ANXA4: variants seen among roughly 807,000 people sequenced by gnomAD.
ANXA4 encodes annexin A4.
ANXA4 carries 39 observed loss-of-function variants against 49.8 expected under a neutral mutation model. The ratio of observed to expected loss-of-function variants is 0.78; its 90% CI spans 0.61 to 1.02. ANXA4 has a LOEUF of 1.02. Ranked by LOEUF, ANXA4 falls within the 50% of genes least tolerant of loss-of-function variation. The pLI, the probability that ANXA4 is intolerant of heterozygous loss-of-function variation, is 0.00. For synonymous variants in ANXA4, 134 were observed against 152.5 expected, an observed-to-expected ratio of 0.88 and a Z score of 0.89; for missense variants, 360 against 410.1, an observed-to-expected ratio of 0.88 and a Z score of 1.05.
intron 3 of ANXA4, among the ~76,000 whole-genome samples, chr2:69,795,370 T>C (rs1442882027): frequency 1.3e-5 from 2 of 152,198 alleles, no homozygotes; most frequent in Non-Finnish European, 2.9e-5. Flanking sequence ...TCTAGGACTA[T>C]AAACCATTTA....
At chr2:69,665,030 G>T (rs1676882163) in intron 2 of ANXA4, among the ~76,000 whole-genome samples, 1 of 152,178 alleles carries the variant, frequency 6.6e-6, no homozygotes, top group South Asian at 2.1e-4. Flanking sequence ...TTGACCCTGG[G>T]AGGTGGAGGT....
At chr2:69,807,310 A>G (rs1186339049) in intron 5 of ANXA4, among the ~76,000 whole-genome samples, 1 of 152,132 alleles carries the variant, frequency 6.6e-6, no homozygotes, top group Admixed American at 6.5e-5. Context: ...CAGGTCTACT[A>G]TAGGCTTACT....
At chr2:69,720,472 G>A (rs1198842214) in intron 2 of ANXA4, among the ~76,000 whole-genome samples, 1 of 152,180 alleles carries the variant, frequency 6.6e-6, no homozygotes, top group African/African-American at 2.4e-5. Context: ...AGGCAGTGAG[G>A]GGAAGAAGTG....
intron 1 of ANXA4, among the ~76,000 whole-genome samples, chr2:69,647,315 C>T (rs1366708935): frequency 1.3e-5 from 2 of 152,044 alleles, no homozygotes; most frequent in Non-Finnish European, 2.9e-5. Flanking sequence ...CTTCAGTTAA[C>T]ACTATGTATC....
intron 2 of ANXA4, among the ~76,000 whole-genome samples, chr2:69,718,533 C>T (rs900812679): frequency 6.6e-6 from 1 of 152,218 alleles, no homozygotes; most frequent in Non-Finnish European, 1.5e-5. Context: ...CAGGTTCAGA[C>T]TTGTGGAATT....
intron 2 of ANXA4, among the ~76,000 whole-genome samples, chr2:69,694,514 CCCT>C (rs1678091806): frequency 9.9e-6 from 1 of 101,208 alleles, no homozygotes; most frequent in Admixed American, 1.0e-4. Context: ...TATCCCTCCC[CCCT>C]CCCCCCTCCC....
chr2:69,792,580 GCAGTGTTTTTTTTTGCAAGATTTTTA>G (rs1484794470), intron 3 of ANXA4, among the ~76,000 whole-genome samples: 5 of 132,398 alleles, frequency 3.8e-5, no homozygotes, highest in African/African-American at 6.3e-5. Context: ...ATGTTTACAC[GCAGTGTTTTTTTTTGCAAGATTTTTA>G]CAGTTTTTTT....
rs182226512 is a variant in ANXA4 at position 69,692,075 on chromosome 2, G to A, written n.767-28699G>A. The stretch of plus-strand genomic sequence containing the variant: ...TAATTTTTGTATTTTTGTAGAGACA[G>A]GGTTTCACCATGTTGTCCAGGCTGG... On this transcript the variant is annotated intron_variant and non_coding_transcript_variant, in intron 2 of 3. Coordinates refer to the ANXA4 transcript ENST00000418066. 8.3e-4 allele frequency among the ~76,000 whole-genome samples: 127 copies of A among 152,204 alleles called. 1 individual carries two copies. The highest frequency in any genetic ancestry group is 3.0e-3 in the African/African-American group (125 of 41,530).
intron 2 of ANXA4, among the ~76,000 whole-genome samples, chr2:69,670,269 A>G (rs1677120801): frequency 6.6e-6 from 1 of 151,838 alleles, no homozygotes; most frequent in Non-Finnish European, 1.5e-5. Context: ...GTGAAACCCC[A>G]TCTCTACTAA....
intron 8 of ANXA4, among the ~76,000 whole-genome samples, chr2:69,814,021 G>A (rs899719997): frequency 6.6e-6 from 1 of 151,932 alleles, no homozygotes; most frequent in African/African-American, 2.4e-5. Context: ...GCCTCCCAAA[G>A]TGCCGGGATT....
At chr2:69,808,263 T>C (rs193282330) in intron 6 of ANXA4, 14 of 377,010 alleles carry the variant, frequency 3.7e-5, no homozygotes, top group East Asian at 2.9e-4. Flanking sequence ...TTGTTCCTTA[T>C]TATCAGACAA....
In ANXA4 at chr2:69,664,596, T is replaced by C. The variant is rs190187118; in HGVS notation, n.766+11314T>C. Among the ~76,000 whole-genome samples, 696 of 152,378 alleles carry C rather than the reference T, an allele frequency of 4.6e-3. 1 individual carries two copies. Among genetic ancestry groups the C allele is most frequent in the Non-Finnish European group, 6.4e-3 (434 of 68,044 alleles). On this transcript the variant is annotated intron_variant and non_coding_transcript_variant, in intron 2 of 3. Coordinates refer to the ANXA4 transcript ENST00000418066. ...GAATAGGTGTCAGTAAGTATTACTA[T>C]TGACGGTATACAATTGTTATTAATT...
chr2:69,747,090 C>G (rs1178512958), intron 1 of ANXA4, among the ~76,000 whole-genome samples: 2 of 152,114 alleles, frequency 1.3e-5, no homozygotes, highest in East Asian at 3.9e-4. Context: ...AACAAGCAGC[C>G]TGACATGTAA....
chr2:69,658,504 AAC>A (rs1676591507), intron 2 of ANXA4, among the ~76,000 whole-genome samples: 1 of 152,116 alleles, frequency 6.6e-6, no homozygotes, highest in Admixed American at 6.5e-5. Context: ...AAGATATCAA[AAC>A]AGTTTCACGA....
chr2:69,674,936 T>G (rs1677343981), intron 2 of ANXA4, among the ~76,000 whole-genome samples: 1 of 151,664 alleles, frequency 6.6e-6, no homozygotes, highest in Non-Finnish European at 1.5e-5. Context: ...TTTTTTCGTT[T>G]TTTTGAGATG....
In ANXA4 at chr2:69,684,993, CATT is replaced by C. The variant is rs200012016; in HGVS notation, n.766+31712_766+31714del. ...ATGATGTCTTTGGGTCTTGAGAAAA[CATT>C]GTTGTGGGATCACCAACAATCGTCA... is the stretch of plus-strand genomic sequence containing the variant. On this transcript the variant is annotated intron_variant and non_coding_transcript_variant, in intron 2 of 3. Transcript: ENST00000418066. Among the ~76,000 whole-genome samples, 291 of 152,122 alleles carry C rather than the reference CATT, an allele frequency of 1.9e-3. 2 individuals are homozygous for C. The highest frequency in any genetic ancestry group is 6.4e-3 in the African/African-American group (266 of 41,526).
chr2:69,744,824 G>A (rs1236985245), intron 1 of ANXA4, among the ~76,000 whole-genome samples: 1 of 152,190 alleles, frequency 6.6e-6, no homozygotes, highest in East Asian at 1.9e-4. Context: ...ATCAGTGCTT[G>A]GTTCATAGTA....
At chr2:69,722,752 G>A (rs1354906700) in intron 3 of ANXA4, among the ~76,000 whole-genome samples, 5 of 151,618 alleles carry the variant, frequency 3.3e-5, no homozygotes, top group African/African-American at 9.7e-5. Context: ...ACGTCAAAAT[G>A]TTTAAAACGG....
intron 2 of ANXA4, among the ~76,000 whole-genome samples, chr2:69,658,462 G>T (rs1453050082): frequency 3.3e-5 from 5 of 150,504 alleles, no homozygotes. Flanking sequence ...TTCCCCAGCT[G>T]TTGAGGCTGT....
Sources: gnomAD v4.1 joint callset for allele counts (sites outside exome capture counted in the v4.1 genomes callset) on GRCh38, gnomAD v4.1.1 for gene constraint, MANE v1.5 for transcripts, NCBI Gene and HGNC (gene_info 2026-07-23, HGNC 2026-07-21) for gene names.